The following TBC1D5 variants were observed in gnomAD, a reference collection of about 807,000 sequenced individuals.
TBC1D5 encodes the protein TBC1 domain family member 5.
In TBC1D5, 75 loss-of-function variants were observed where a neutral mutation model predicts 100.3. That is an observed-to-expected ratio of 0.75 (90% CI 0.62 to 0.91). The LOEUF (loss-of-function observed/expected upper bound fraction) is 0.91. TBC1D5 is among the 40% of genes least tolerant of loss of function. TBC1D5 has a pLI of 0.00. For missense variants in TBC1D5, 910 were observed against 942.4 expected, an observed-to-expected ratio of 0.97 and a Z score of 0.45; for synonymous variants, 323 against 325.6, an observed-to-expected ratio of 0.99 and a Z score of 0.09.
chr3:17,739,725 G>A (rs1368020144), exon 1 of TBC1D5: 1 of 152,234 alleles, frequency 6.6e-6, no homozygotes, highest in Non-Finnish European at 1.5e-5. Context: ...GCGGCCTGGT[G>A]TGATCCTGGT....
At chr3:17,692,338 C>G (rs1477986235) in intron 1 of TBC1D5, among the ~76,000 whole-genome samples, 1 of 152,056 alleles carries the variant, frequency 6.6e-6, no homozygotes, top group South Asian at 2.1e-4. Flanking sequence ...GTGATCCACC[C>G]GCCTCAGCCT....
At chr3:17,382,902 T>C (rs944406285) in intron 9 of TBC1D5, among the ~76,000 whole-genome samples, 1 of 152,024 alleles carries the variant, frequency 6.6e-6, no homozygotes, top group Non-Finnish European at 1.5e-5. Flanking sequence ...TTATTGTTAA[T>C]TTTTTTCTAG....
chr3:17,741,349 A>G (rs1412477019), upstream of TBC1D5, among the ~76,000 whole-genome samples: 1 of 152,286 alleles, frequency 6.6e-6, no homozygotes, highest in Non-Finnish European at 1.5e-5. Context: ...AAGTACCAAG[A>G]CACGGAATCA....
intron 19 of TBC1D5, among the ~76,000 whole-genome samples, chr3:17,179,154 A>G (rs1202644657): frequency 6.6e-6 from 1 of 152,228 alleles, no homozygotes; most frequent in Non-Finnish European, 1.5e-5. Context: ...GGTGAATTGT[A>G]TCTTTTCCTC....
At chr3:17,453,206 A>G (rs1159584951) in intron 3 of TBC1D5, among the ~76,000 whole-genome samples, 1 of 152,000 alleles carries the variant, frequency 6.6e-6, no homozygotes, top group African/African-American at 2.4e-5. Flanking sequence ...GCCTACATCA[A>G]AAAAGAAGAA....
chr3:17,170,341 G>C (rs2067048427), intron 19 of TBC1D5, among the ~76,000 whole-genome samples: 1 of 152,216 alleles, frequency 6.6e-6, no homozygotes, highest in South Asian at 2.1e-4. Flanking sequence ...TCAGCAAGTG[G>C]AGTCAGGAGC....
intron 2 of TBC1D5, among the ~76,000 whole-genome samples, chr3:17,608,588 TC>T (rs1378831049): frequency 6.6e-6 from 1 of 152,232 alleles, no homozygotes; most frequent in African/African-American, 2.4e-5. Context: ...TTGGGTTAAC[TC>T]TTCATTAAGA....
intron 15 of TBC1D5, among the ~76,000 whole-genome samples, chr3:17,278,153 A>G (rs1025144329): frequency 2.0e-5 from 3 of 152,218 alleles, no homozygotes; most frequent in Non-Finnish European, 4.4e-5. Context: ...GAACTCTGTC[A>G]TCATAAGGAT....
At chr3:17,728,748 T>A (rs960390611) in intron 1 of TBC1D5, among the ~76,000 whole-genome samples, 2 of 152,136 alleles carry the variant, frequency 1.3e-5, no homozygotes, top group South Asian at 2.1e-4. Flanking sequence ...CAAAGACTTA[T>A]ACATAAAAAT....
intron 18 of TBC1D5, among the ~76,000 whole-genome samples, chr3:17,199,755 A>G (rs2071217536): frequency 6.6e-6 from 1 of 152,236 alleles, no homozygotes; most frequent in East Asian, 1.9e-4. Flanking sequence ...ATGATGATCA[A>G]GAGGCCAGAG....
At chr3:17,487,840 C>A (rs1472214038) in intron 3 of TBC1D5, among the ~76,000 whole-genome samples, 1 of 152,144 alleles carries the variant, frequency 6.6e-6, no homozygotes. Context: ...TTTTTAAAAG[C>A]AATTTTGAGC....
At chr3:17,388,875 CAAACAAAG>C (rs531726036) in intron 8 of TBC1D5, among the ~76,000 whole-genome samples, 21 of 151,534 alleles carry the variant, frequency 1.4e-4, no homozygotes, top group Non-Finnish European at 2.7e-4. Context: ...ACAAAACAAA[CAAACAAAG>C]AAACAAAAAA....
intron 1 of TBC1D5, among the ~76,000 whole-genome samples, chr3:17,700,874 T>C (rs2073072761): frequency 2.0e-5 from 3 of 152,144 alleles, no homozygotes; most frequent in Non-Finnish European, 4.4e-5. Context: ...ACTTTTACAC[T>C]GTTGGTGGGA....
chr3:17,343,009 T>C (rs952296682), intron 13 of TBC1D5, among the ~76,000 whole-genome samples: 4 of 152,124 alleles, frequency 2.6e-5, no homozygotes, highest in East Asian at 1.9e-4. Flanking sequence ...CTATGTTGAA[T>C]AGGAGTGGTG....
At chr3:17,479,134 C>T (rs893410717) in intron 3 of TBC1D5, among the ~76,000 whole-genome samples, 14 of 152,288 alleles carry the variant, frequency 9.2e-5, no homozygotes, top group Admixed American at 6.5e-4. Context: ...GACGTGGCGG[C>T]TCACATCCAT....
chr3:17,415,784 C>T (rs2094051453), intron 4 of TBC1D5, among the ~76,000 whole-genome samples: 2 of 152,068 alleles, frequency 1.3e-5, no homozygotes, highest in Admixed American at 6.6e-5. Context: ...CCATGGTTTA[C>T]TCATGCTTCC....
rs886316227 is a variant in TBC1D5, at chr3:17,258,595, A to G, written c.1246-4T>C. 1 of 1,608,320 alleles carries G rather than the reference A, an allele frequency of 6.2e-7. No individual in the cohort carries two copies. Among genetic ancestry groups the G allele is most frequent in the Non-Finnish European group, 8.5e-7 (1 of 1,176,578 alleles). Reference sequence around the variant, plus strand: ...AAGTCACTGGTCTTGGATTTCTCTAAAAAAAAATACATTTTTAAAAAGCTA... The same window carrying G: ...AAGTCACTGGTCTTGGATTTCTCTAGAAAAAAATACATTTTTAAAAAGCTA... On this transcript the variant is annotated splice_region_variant and splice_polypyrimidine_tract_variant and intron_variant, in intron 15 of 21. Coordinates refer to ENST00000253692, the Ensembl canonical transcript of TBC1D5.
chr3:17,208,474 C>T (rs1043001397), intron 18 of TBC1D5, among the ~76,000 whole-genome samples: 4 of 152,166 alleles, frequency 2.6e-5, no homozygotes, highest in Admixed American at 6.5e-5. Context: ...CCAGAATGGG[C>T]GAGAACTGGC....
intron 18 of TBC1D5, among the ~76,000 whole-genome samples, chr3:17,202,226 G>T (rs1229490337): frequency 1.3e-5 from 2 of 152,196 alleles, no homozygotes; most frequent in Non-Finnish European, 2.9e-5. Context: ...CCTGCTCTAG[G>T]GATCTGTGAA....
Sources: gnomAD v4.1 joint callset for allele counts (sites outside exome capture counted in the v4.1 genomes callset) on GRCh38, gnomAD v4.1.1 for gene constraint, MANE v1.5 for transcripts, NCBI Gene and HGNC (gene_info 2026-07-23, HGNC 2026-07-21) for gene names.